GRIA3: variants seen among roughly 807,000 people sequenced by gnomAD.
The protein encoded by GRIA3 is glutamate ionotropic receptor AMPA type subunit 3, also known as glutamate receptor 3.
A neutral mutation model predicts 63.0 loss-of-function variants in GRIA3; 3 were observed. The ratio of observed to expected loss-of-function variants is 0.05; its 90% CI spans 0.02 to 0.12. The LOEUF (loss-of-function observed/expected upper bound fraction) is 0.12. GRIA3 is among the 10% of genes least tolerant of loss of function. The pLI, the probability that GRIA3 is intolerant of heterozygous loss-of-function variation, is 1.00. For synonymous variants in GRIA3, 274 were observed against 257.9 expected, an observed-to-expected ratio of 1.06 and a Z score of -0.60; for missense variants, 347 against 700.9, an observed-to-expected ratio of 0.50 and a Z score of 5.70.
chrX:123,385,234 A>G (rs1352221199), intron 5 of GRIA3, among the ~76,000 whole-genome samples: 1 of 112,065 alleles, frequency 8.9e-6, no homozygotes, highest in African/African-American at 3.2e-5. Context: ...CACTTCTCCT[A>G]GCACCACTTA....
At chrX:123,344,128 C>A (rs1428147354) in intron 4 of GRIA3, among the ~76,000 whole-genome samples, 1 of 112,035 alleles carries the variant, frequency 8.9e-6, no homozygotes, top group African/African-American at 3.2e-5. Context: ...GCACTCTTAT[C>A]ATTAACTATG....
intron 2 of GRIA3, among the ~76,000 whole-genome samples, chrX:123,222,820 G>A (rs1304143476): frequency 8.9e-6 from 1 of 111,810 alleles, no homozygotes; most frequent in African/African-American, 3.3e-5. Context: ...GTCTGTTGAT[G>A]TCATGGGTTG....
intron 5 of GRIA3, among the ~76,000 whole-genome samples, chrX:123,356,863 G>C (rs1326047064): frequency 9.0e-6 from 1 of 111,588 alleles, no homozygotes; most frequent in African/African-American, 3.3e-5. Context: ...GTGGTGGGGG[G>C]CAGTCATTGA....
At chrX:123,371,287 G>A (rs1286086089) in intron 5 of GRIA3, among the ~76,000 whole-genome samples, 2 of 109,689 alleles carry the variant, frequency 1.8e-5, no homozygotes, top group Non-Finnish European at 3.8e-5. Context: ...TCATCTGCTT[G>A]TGGACCCTTA....
chrX:123,297,719 A>T (rs1470843960), intron 3 of GRIA3, among the ~76,000 whole-genome samples: 1 of 110,643 alleles, frequency 9.0e-6, no homozygotes, highest in African/African-American at 3.3e-5. Flanking sequence ...CTTGGAAAAT[A>T]TTTTTTTTAA....
At chrX:123,413,732 T>C (rs2045520937) in intron 10 of GRIA3, among the ~76,000 whole-genome samples, 3 of 110,175 alleles carry the variant, frequency 2.7e-5, no homozygotes, top group Admixed American at 2.0e-4. Flanking sequence ...CACGATGAGA[T>C]GAGAGTTGAA....
Position 123,355,038 on chromosome X carries a change from A to G in GRIA3, c.750+75A>G, listed in dbSNP as rs1213990398. 4 of 745,358 alleles carry G rather than the reference A, an allele frequency of 5.4e-6. No individual in the cohort carries two copies. The Admixed American group carries it at 8.8e-5, about 16-fold the overall frequency. The allele number at this position is 745,358 out of a possible 1,213,427, so 61.4% of individuals were successfully genotyped here. The stretch of plus-strand genomic sequence containing the variant: ...TTTTCTGTAATCATCCAAAAAGGAA[A>G]TACATCAAGTACCTAATGCTTTCTC... On this transcript the variant is annotated intron_variant, in intron 5 of 15. Transcript: ENST00000620443.
chrX:123,285,137 T>A, intron 3 of GRIA3, among the ~76,000 whole-genome samples: 1 of 111,568 alleles, frequency 9.0e-6, no homozygotes, highest in Admixed American at 9.5e-5. Context: ...CAGAATTTCA[T>A]ATCCAGCCAA....
chrX:123,448,449 C>T (rs2045714086), intron 12 of GRIA3, among the ~76,000 whole-genome samples: 1 of 111,308 alleles, frequency 9.0e-6, no homozygotes, highest in South Asian at 3.9e-4. Context: ...ATGTAGTCAT[C>T]ACCTCCATAA....
intron 2 of GRIA3, among the ~76,000 whole-genome samples, chrX:123,208,164 CT>C (rs2147258747): frequency 8.9e-6 from 1 of 112,658 alleles, no homozygotes; most frequent in East Asian, 2.8e-4. Flanking sequence ...AGTCATTTCC[CT>C]TGCTAAACCT....
Position 123,490,103 on chromosome X carries a change from A to T in GRIA3, c.*1393A>T, listed in dbSNP as rs1443728683. ...CTCACTAATTACCTCCTATATAACG[A>T]CGTATGCTTCCTGTAGTTCAGTAGT... On this transcript the variant is annotated 3_prime_UTR_variant, in exon 16 of 16. Transcript: ENST00000620443. 8.9e-6 allele frequency: 1 copy of T among 111,922 alleles called. No homozygotes were observed. The highest frequency in any genetic ancestry group is 1.9e-5 in the Non-Finnish European group (1 of 53,163). 9.2% of individuals were successfully genotyped at this position (111,922 alleles called of 1,213,427 possible).
intron 13 of GRIA3, among the ~76,000 whole-genome samples, chrX:123,473,355 G>C (rs2045872722): frequency 8.9e-6 from 1 of 112,178 alleles, no homozygotes; most frequent in South Asian, 3.7e-4. Context: ...CTACAGAAAA[G>C]AATGTAAAGT....
At chrX:123,370,499 C>A (rs954878811) in intron 5 of GRIA3, among the ~76,000 whole-genome samples, 1 of 111,448 alleles carries the variant, frequency 9.0e-6, no homozygotes, top group Non-Finnish European at 1.9e-5. Flanking sequence ...CACTCTCCTG[C>A]CTTCCTTCAC....
chrX:123,223,696 G>A (rs1438308771), intron 2 of GRIA3, among the ~76,000 whole-genome samples: 2 of 111,793 alleles, frequency 1.8e-5, no homozygotes, highest in Non-Finnish European at 3.8e-5. Flanking sequence ...GGTTAGATGA[G>A]AAGGGCTGGA....
At chrX:123,385,031 C>T (rs186667443) in intron 5 of GRIA3, among the ~76,000 whole-genome samples, 3 of 111,965 alleles carry the variant, frequency 2.7e-5, no homozygotes, top group Non-Finnish European at 3.8e-5. Context: ...TTTTTGCTTT[C>T]GTTGGGATTG....
chrX:123,410,269 C>G (rs2045497958), intron 10 of GRIA3, among the ~76,000 whole-genome samples: 2 of 111,578 alleles, frequency 1.8e-5, no homozygotes, highest in South Asian at 7.5e-4. Flanking sequence ...CAGAACACCT[C>G]CCAGTGGGCA....
chrX:123,272,894 C>A (rs1393058974), intron 3 of GRIA3, among the ~76,000 whole-genome samples: 1 of 111,640 alleles, frequency 9.0e-6, no homozygotes, highest in Non-Finnish European at 1.9e-5. Flanking sequence ...CCTGGGCACA[C>A]AGAGGGAGGA....
Position 123,232,853 on chromosome X carries a change from G to A in GRIA3, c.269-20450G>A, listed in dbSNP as rs1603039124. ...ATTTTACTTTCATGACAGTCCTTTG[G>A]CATGGGTTCTATTCTTGGCATTTTG... On this transcript the variant is annotated intron_variant, in intron 2 of 15. Coordinates refer to ENST00000620443, the MANE Select transcript of GRIA3 (RefSeq NM_007325.5). Among the ~76,000 whole-genome samples, 4 of 110,331 alleles carry A rather than the reference G, an allele frequency of 3.6e-5. No individual in the cohort carries two copies. The Admixed American group carries it at 3.9e-4, about 11-fold the overall frequency.
intron 2 of GRIA3, among the ~76,000 whole-genome samples, chrX:123,223,591 G>A (rs2044229786): frequency 8.9e-6 from 1 of 112,197 alleles, no homozygotes; most frequent in African/African-American, 3.2e-5. Flanking sequence ...TCTTTCTGAA[G>A]AACGGTGTGA....
Sources: allele counts gnomAD v4.1 joint callset (sites outside exome capture counted in the v4.1 genomes callset), GRCh38; gene constraint gnomAD v4.1.1; transcripts MANE v1.5; gene names NCBI Gene and HGNC (gene_info 2026-07-23, HGNC 2026-07-21).